Variants in AKT3 observed in about 807,000 individuals in gnomAD.
AKT3 encodes the protein AKT serine/threonine kinase 3, also known as RAC-gamma serine/threonine-protein kinase.
Under a neutral mutation model 65.3 loss-of-function variants are expected in AKT3, and 15 were observed. That is an observed-to-expected ratio of 0.23 (90% CI 0.15 to 0.35). The LOEUF is 0.35. Among genes scored for constraint, AKT3 ranks in the 10% least tolerant of loss-of-function variants. The pLI, the probability that AKT3 is intolerant of heterozygous loss-of-function variation, is 1.00. For missense variants in AKT3, 243 were observed against 576.5 expected (o/e 0.42, Z 5.92); for synonymous variants, 206 against 183.8 (o/e 1.12, Z -0.98).
rs1669287216 is a variant in AKT3 at position 243,501,412 on chromosome 1, G to GTGTGT, written c.*3832_*3836dup. The stretch of plus-strand genomic sequence containing the variant: ...TTCCTTCAGATTCTGGGTCCAAACC[G>GTGTGT]TGTGTTGTATAGATGATTCGGGTCT... On this transcript the variant is annotated 3_prime_UTR_variant, in exon 14 of 14. Transcript: ENST00000673466. The GTGTGT allele has an allele frequency of 4.3e-6, 1 of 232,998 alleles. No individual in the cohort carries two copies. The highest frequency in any genetic ancestry group is 6.0e-5 in the East Asian group (1 of 16,572). The allele number at this position is 232,998 out of a possible 1,614,324, so 14.4% of individuals were successfully genotyped here. A position where few individuals can be genotyped will look rare whatever the true frequency, so the allele number is the denominator to read the frequency against.
intron 1 of AKT3, among the ~76,000 whole-genome samples, chr1:243,849,548 C>T (rs1318013077): frequency 6.6e-6 from 1 of 151,928 alleles, no homozygotes; most frequent in Non-Finnish European, 1.5e-5. Flanking sequence ...CGGCTCCCTC[C>T]CCCCAACCCA....
rs971085103 is a variant in AKT3, at chr1:243,843,286, G to A, written c.-112-4C>T. ...CACTCTCTAGTGATGACTCAGCCTG[G>A]AAGGAAGTATTGAAGAAAGAATTTT... On this transcript the variant is annotated splice_polypyrimidine_tract_variant and splice_region_variant and intron_variant, in intron 1 of 13. Coordinates refer to ENST00000673466, the MANE Select transcript of AKT3 (RefSeq NM_005465.7). The A allele has an allele frequency of 6.3e-6, 9 of 1,418,340 alleles. No individual in the cohort carries two copies. The highest frequency in any genetic ancestry group is 4.9e-5 in the East Asian group (2 of 40,566). 87.9% of individuals were successfully genotyped at this position (1,418,340 alleles called of 1,614,324 possible).
downstream of AKT3, among the ~76,000 whole-genome samples, chr1:243,496,532 A>G (rs775198411): frequency 3.9e-5 from 6 of 152,190 alleles, no homozygotes; most frequent in Non-Finnish European, 8.8e-5. Flanking sequence ...CGTGCCAGTG[A>G]GCAGAGCGGA....
intron 5 of AKT3, among the ~76,000 whole-genome samples, chr1:243,642,657 A>C (rs1680524689): frequency 6.6e-6 from 1 of 152,154 alleles, no homozygotes; most frequent in South Asian, 2.1e-4. Context: ...TCTCCAGAAA[A>C]ATAATCCTCC....
At chr1:243,560,151 T>C (rs1019646642) in intron 10 of AKT3, among the ~76,000 whole-genome samples, 7 of 152,150 alleles carry the variant, frequency 4.6e-5, no homozygotes, top group African/African-American at 1.7e-4. Context: ...CTTAAGCACT[T>C]TTCCTTTTCC....
intron 2 of AKT3, among the ~76,000 whole-genome samples, chr1:243,825,786 C>T (rs554521334): frequency 1.1e-4 from 16 of 152,246 alleles, no homozygotes; most frequent in Admixed American, 3.3e-4. Flanking sequence ...ATTTACCAAA[C>T]GTACCCCATA....
At chr1:243,773,125 A>G (rs991647284) in intron 2 of AKT3, among the ~76,000 whole-genome samples, 11 of 151,404 alleles carry the variant, frequency 7.3e-5, no homozygotes, top group Middle Eastern at 3.2e-3. Flanking sequence ...AACATGGCAC[A>G]TGTATACATA....
intron 12 of AKT3, among the ~76,000 whole-genome samples, chr1:243,534,697 T>C (rs1292166015): frequency 6.6e-6 from 1 of 152,166 alleles, no homozygotes; most frequent in African/African-American, 2.4e-5. Context: ...AACAGAAAGA[T>C]AGCTGGAAAG....
rs568274192 is a variant in AKT3, at chr1:243,608,314, C to G, written c.696+5357G>C. ...TAAAAATCACAAGCATAATCAAGAG[C>G]ATGCTAAACCCCTAACTCAAATTAT... On this transcript the variant is annotated intron_variant, in intron 8 of 13. Coordinates refer to ENST00000673466, the MANE Select transcript of AKT3 (RefSeq NM_005465.7). Among the ~76,000 whole-genome samples the G allele has an allele frequency of 2.6e-5, 4 of 152,280 alleles. No individual in the cohort carries two copies. The South Asian group carries it at 8.3e-4, about 32-fold the overall frequency.
chr1:243,524,619 T>C (rs527566765), intron 12 of AKT3, among the ~76,000 whole-genome samples: 2 of 152,342 alleles, frequency 1.3e-5, no homozygotes, highest in African/African-American at 4.8e-5. Flanking sequence ...CTTTAGAAGG[T>C]TGCACAAACG....
At chr1:243,637,033 G>A (rs536976002) in intron 6 of AKT3, among the ~76,000 whole-genome samples, 4 of 152,126 alleles carry the variant, frequency 2.6e-5, no homozygotes. Flanking sequence ...TTTGTAAAGT[G>A]TATCTCCTGA....
At chr1:243,735,430 C>T (rs901357666) in intron 2 of AKT3, among the ~76,000 whole-genome samples, 5 of 152,186 alleles carry the variant, frequency 3.3e-5, no homozygotes, top group African/African-American at 1.2e-4. Flanking sequence ...TTCTGCACCA[C>T]ATGACTATTT....
chr1:243,716,233 T>C (rs1686506229), intron 2 of AKT3, among the ~76,000 whole-genome samples: 1 of 152,160 alleles, frequency 6.6e-6, no homozygotes, highest in Non-Finnish European at 1.5e-5. Flanking sequence ...AAAATGTTCA[T>C]AAATAAGAAT....
At chr1:243,761,796 T>C (rs1034333036) in intron 2 of AKT3, among the ~76,000 whole-genome samples, 4 of 152,182 alleles carry the variant, frequency 2.6e-5, no homozygotes, top group African/African-American at 9.6e-5. Context: ...TGTTAAATTT[T>C]TTAAGGAAAG....
At chr1:243,634,496 A>G (rs1175119672) in intron 6 of AKT3, among the ~76,000 whole-genome samples, 1 of 152,008 alleles carries the variant, frequency 6.6e-6, no homozygotes, top group Non-Finnish European at 1.5e-5. Flanking sequence ...ATATTGTGAT[A>G]CAAGTTATTG....
At chr1:243,671,067 A>G (rs1000977849) in intron 3 of AKT3, among the ~76,000 whole-genome samples, 1 of 151,942 alleles carries the variant, frequency 6.6e-6, no homozygotes, top group African/African-American at 2.4e-5. Context: ...CGAAGGCATA[A>G]TAATAGATTC....
intron 1 of AKT3, among the ~76,000 whole-genome samples, chr1:243,849,386 A>AACCCCCCCCC (rs1695655077): frequency 3.7e-5 from 4 of 107,020 alleles, no homozygotes; most frequent in African/African-American, 1.2e-4. Flanking sequence ...CCACACACAC[A>AACCCCCCCCC]CCCCCCCCCC....
At chr1:243,822,821 A>G (rs933797802) in intron 2 of AKT3, among the ~76,000 whole-genome samples, 3 of 152,230 alleles carry the variant, frequency 2.0e-5, no homozygotes, top group Non-Finnish European at 4.4e-5. Flanking sequence ...CCAGGACCAG[A>G]TGGATTTACA....
chr1:243,704,137 G>A (rs1685643643), intron 2 of AKT3, among the ~76,000 whole-genome samples: 3 of 152,170 alleles, frequency 2.0e-5, no homozygotes, highest in Admixed American at 6.5e-5. Context: ...TAAGCATTAT[G>A]AACTCCTGCC....
Sources: allele counts gnomAD v4.1 joint callset (sites outside exome capture counted in the v4.1 genomes callset), GRCh38; gene constraint gnomAD v4.1.1; transcripts MANE v1.5; gene names NCBI Gene and HGNC (gene_info 2026-07-23, HGNC 2026-07-21).